The following ZNF567 variants were observed in gnomAD, a reference collection of about 807,000 sequenced individuals.
The protein encoded by ZNF567 is zinc finger protein 567.
ZNF567 carries 36 observed loss-of-function variants against 53.9 expected under a neutral mutation model. The ratio of observed to expected loss-of-function variants is 0.67; its 90% CI spans 0.51 to 0.88. ZNF567 has a LOEUF of 0.88. Among genes scored for constraint, ZNF567 ranks in the 40% least tolerant of loss-of-function variants. The pLI, the probability that ZNF567 is intolerant of heterozygous loss-of-function variation, is 0.00. For synonymous variants in ZNF567, 224 were observed against 260.4 expected, an observed-to-expected ratio of 0.86 and a Z score of 1.35; for missense variants, 619 against 764.7, an observed-to-expected ratio of 0.81 and a Z score of 2.25.
the ZNF567 span, among the ~76,000 whole-genome samples, chr19:36,678,407 C>T: frequency 6.6e-6 from 1 of 152,088 alleles, no homozygotes; most frequent in Non-Finnish European, 1.5e-5. Context: ...ATTAAGAAAA[C>T]AGAGAATCCT....
intron 3 of ZNF567, among the ~76,000 whole-genome samples, chr19:36,704,674 T>C (rs2039400466): frequency 2.6e-5 from 4 of 152,186 alleles, no homozygotes; most frequent in Admixed American, 2.6e-4. Context: ...ATGGATCTAA[T>C]GTATAGTTTT....
chr19:36,718,746 T>C (rs1216342471), intron 5 of ZNF567, among the ~76,000 whole-genome samples: 1 of 152,128 alleles, frequency 6.6e-6, no homozygotes, highest in Non-Finnish European at 1.5e-5. Flanking sequence ...ATGCAAAAGG[T>C]ATTAATGTTT....
intron 3 of ZNF567, among the ~76,000 whole-genome samples, chr19:36,708,728 A>G (rs373631082): frequency 3.3e-5 from 5 of 152,182 alleles, no homozygotes; most frequent in Non-Finnish European, 7.3e-5. Context: ...CTGGAAGACT[A>G]TATACCATGT....
In ZNF567 at chr19:36,694,808, C is replaced by A. The variant is rs779114910; in HGVS notation, c.-60C>A. 88 of 1,490,336 alleles carry A rather than the reference C, an allele frequency of 5.9e-5. No homozygotes were observed. Among genetic ancestry groups the A allele is most frequent in the Non-Finnish European group, 7.6e-5 (86 of 1,127,402 alleles). The allele number at this position is 1,490,336 out of a possible 1,614,324, so 92.3% of individuals were successfully genotyped here. The stretch of plus-strand genomic sequence containing the variant: ...CTCGGCTTTGCCTCCTTAGGAACTG[C>A]CTCTTTTCTAAAGAGGACTCCAAAG... On this transcript the variant is annotated 5_prime_UTR_variant, in exon 3 of 6. Coordinates refer to ENST00000682579, the MANE Select transcript of ZNF567 (RefSeq NM_001322917.1).
At chr19:36,725,099 G>T (rs2040330416), downstream of ZNF567, among the ~76,000 whole-genome samples, 1 of 151,736 alleles carries the variant, frequency 6.6e-6, no homozygotes, top group Non-Finnish European at 1.5e-5. Context: ...TGGTCTTCAT[G>T]GTTTCTCATA....
At chr19:36,688,059 A>T (rs942735624) in intron 1 of ZNF567, among the ~76,000 whole-genome samples, 3 of 151,954 alleles carry the variant, frequency 2.0e-5, no homozygotes, top group African/African-American at 4.8e-5. Context: ...TATGAAAGTG[A>T]TAGGGTCCCT....
Position 36,719,892 on chromosome 19 carries a change from G to A in ZNF567, c.1168G>A (p.Glu390Lys). 2 of 1,609,316 alleles carry A rather than the reference G, an allele frequency of 1.2e-6. No individual in the cohort carries two copies. Among genetic ancestry groups the A allele is most frequent in the Non-Finnish European group, 1.7e-6 (2 of 1,176,370 alleles). The change falls in exon 6 of 6, where the codon GAG (glutamate) becomes AAG (lysine). Residue 390 changes from glutamate to lysine, a missense_variant. Glu to Lys is a moderately conservative substitution (Grantham distance 56, BLOSUM62 1). Transcript: ENST00000682579. Reference sequence around the variant, plus strand: ...TCTACATCAGAGAATCCATACAGGTGAGAAACCCTACATTTGTAAAGAATG... The same window carrying A: ...TCTACATCAGAGAATCCATACAGGTAAGAAACCCTACATTTGTAAAGAATG... Reference protein sequence around the residue: ...LSLHQRIHTGEKPYICKECGK... With the variant: ...LSLHQRIHTGKKPYICKECGK...
At chr19:36,670,072 A>G in the ZNF567 span, among the ~76,000 whole-genome samples, 20 of 152,300 alleles carry the variant, frequency 1.3e-4, no homozygotes, top group Admixed American at 4.6e-4. Context: ...ATTGTTTTAA[A>G]TTAGACACTG....
rs151307747 is a variant in ZNF567 at position 36,720,476 on chromosome 19, G to A, written c.1752G>A (p.Thr584=). 527 of 1,608,682 alleles carry A rather than the reference G, an allele frequency of 3.3e-4. No homozygotes were observed. The African/African-American group carries it at 5.9e-3, about 18-fold the overall frequency. ...TCATTCATCATCAAAGAACTCATACGGGAGAGAAACCATATAAATGTAGTG... is the reference window on the plus strand; with the variant it reads ...TCATTCATCATCAAAGAACTCATACAGGAGAGAAACCATATAAATGTAGTG... ...SYLIHHQRTH[T]GEKPYKCSEC... is the part of the protein sequence containing the mutation. Residue 584 remains threonine (T), a synonymous_variant, in exon 6 of 6, where the codon ACG becomes ACA. Transcript: ENST00000682579.
chr19:36,672,984 A>G, the ZNF567 span, among the ~76,000 whole-genome samples: 102,259 of 152,142 alleles, frequency 0.67, 34,705 homozygotes, highest in East Asian at 0.82. Flanking sequence ...TCTTTATTTT[A>G]TAATGAATGT....
intron 5 of ZNF567, among the ~76,000 whole-genome samples, 184 bp downstream of exon 5, chr19:36,713,051 A>G (rs1477866924): frequency 3.3e-5 from 5 of 152,158 alleles, no homozygotes; most frequent in Non-Finnish European, 7.3e-5. Context: ...GCTCATGCCT[A>G]TAATCTGACA....
chr19:36,680,118 T>C, the ZNF567 span, among the ~76,000 whole-genome samples: 2 of 152,216 alleles, frequency 1.3e-5, no homozygotes, highest in Non-Finnish European at 2.9e-5. Context: ...TGTACAAATA[T>C]ATACATCAAT....
chr19:36,694,911 C>A, intron 3 of ZNF567, 35 bp downstream of exon 3: 31 of 1,368,214 alleles, frequency 2.3e-5, no homozygotes, highest in Middle Eastern at 2.6e-4. Flanking sequence ...TTCTGAAAGT[C>A]TTTTTTTTTT....
chr19:36,691,043 T>C (rs1415499318), intron 2 of ZNF567, among the ~76,000 whole-genome samples: 1 of 152,216 alleles, frequency 6.6e-6, no homozygotes, highest in East Asian at 1.9e-4. Flanking sequence ...GGAAACTGGT[T>C]GGATTAACCA....
rs2040278848 is a variant in ZNF567 at position 36,720,892 on chromosome 19, C to T, written c.*224C>T. ...AAGCTAAATTTTAAAGTCAACTGCT[C>T]TTCCTACTGACTCAAATAGTTTATT... is the stretch of plus-strand genomic sequence containing the variant. On this transcript the variant is annotated 3_prime_UTR_variant, in exon 6 of 6. Coordinates refer to ENST00000682579, the MANE Select transcript of ZNF567 (RefSeq NM_001322917.1). 1 of 341,614 alleles carries T rather than the reference C, an allele frequency of 2.9e-6. No homozygotes were observed. The highest frequency in any genetic ancestry group is 5.2e-6 in the Non-Finnish European group (1 of 191,526). The allele number at this position is 341,614 out of a possible 1,614,324, so 21.2% of individuals were successfully genotyped here.
upstream of ZNF567, among the ~76,000 whole-genome samples, chr19:36,683,896 G>C (rs1568674721): frequency 1.3e-5 from 2 of 152,094 alleles, no homozygotes; most frequent in African/African-American, 2.4e-5. Context: ...GTAGCGAATA[G>C]ACATTCTCAT....
chr19:36,695,871 G>C (rs1023321828), intron 3 of ZNF567, among the ~76,000 whole-genome samples: 1 of 152,052 alleles, frequency 6.6e-6, no homozygotes, highest in African/African-American at 2.4e-5. Context: ...CCACAGACTG[G>C]AGTCAAGATG....
intron 2 of ZNF567, among the ~76,000 whole-genome samples, chr19:36,690,051 A>G (rs2038518839): frequency 6.6e-6 from 1 of 152,188 alleles, no homozygotes; most frequent in Non-Finnish European, 1.5e-5. Context: ...TTCATTTGCT[A>G]TCTTTGGGAT....
chr19:36,709,690 C>G (rs987067068), intron 3 of ZNF567, among the ~76,000 whole-genome samples: 5 of 151,950 alleles, frequency 3.3e-5, no homozygotes, highest in Non-Finnish European at 5.9e-5. Flanking sequence ...TCTCAAACTC[C>G]TAGCTTCAAG....
Sources: gnomAD v4.1 joint callset for allele counts (sites outside exome capture counted in the v4.1 genomes callset) on GRCh38, gnomAD v4.1.1 for gene constraint, MANE v1.5 for transcripts, NCBI Gene and HGNC (gene_info 2026-07-23, HGNC 2026-07-21) for gene names.